The following PTPRD variants were observed in gnomAD, a reference collection of about 807,000 sequenced individuals.
PTPRD encodes protein tyrosine phosphatase receptor type D.
In PTPRD, 34 loss-of-function variants were observed where a neutral mutation model predicts 214.5. That is an observed-to-expected ratio of 0.16 (90% CI 0.12 to 0.21). PTPRD has a LOEUF of 0.21. PTPRD is among the 10% of genes least tolerant of loss of function. The probability of loss-of-function intolerance (pLI) is 1.00; values close to 1 mark genes in which losing one functional copy is unlikely to be tolerated. For missense variants in PTPRD, 2,545 were observed against 2,398.7 expected (o/e 1.06, Z -1.27); for synonymous variants, 1,128 against 845.7 (o/e 1.33, Z -5.79).
intron 3 of PTPRD, among the ~76,000 whole-genome samples, chr9:10,278,767 TTTTTGTTTTG>T (rs561969404): frequency 0.017 from 2,611 of 151,624 alleles, 30 homozygotes; most frequent in Non-Finnish European, 0.025. Context: ...AAAGGTTTTT[TTTTTGTTTTG>T]TTTTGTTTTG....
At chr9:10,057,007 A>G (rs1038092455) in intron 3 of PTPRD, among the ~76,000 whole-genome samples, 1 of 152,176 alleles carries the variant, frequency 6.6e-6, no homozygotes, top group Admixed American at 6.6e-5. Flanking sequence ...CAGAAATATA[A>G]TGTTCATAAA....
intron 3 of PTPRD, among the ~76,000 whole-genome samples, chr9:10,282,580 T>C (rs753125737): frequency 4.6e-5 from 7 of 152,158 alleles, no homozygotes; most frequent in Non-Finnish European, 1.0e-4. Context: ...ATTACCCTAA[T>C]GTTAGCTATG....
rs1234136859 is a variant in PTPRD, at chr9:8,315,374, T to G, written c.*2500A>C. On this transcript the variant is annotated 3_prime_UTR_variant, in exon 46 of 46. Coordinates refer to ENST00000381196, the MANE Select transcript of PTPRD (RefSeq NM_002839.4). The stretch of plus-strand genomic sequence containing the variant: ...GAGAAGCTGCTCATTGGCCAATCAT[T>G]CTGGTGTGCAGTGCTCCATCGGATT... The G allele has an allele frequency of 4.3e-6, 1 of 232,490 alleles. No individual in the cohort carries two copies. Among genetic ancestry groups the G allele is most frequent in the Non-Finnish European group, 8.5e-6 (1 of 117,388 alleles). 14.4% of individuals were successfully genotyped at this position (232,490 alleles called of 1,614,324 possible).
chr9:9,282,417 A>C (rs1336843399), intron 9 of PTPRD, among the ~76,000 whole-genome samples: 1 of 151,378 alleles, frequency 6.6e-6, no homozygotes, highest in African/African-American at 2.4e-5. Flanking sequence ...ATAGCAGATG[A>C]CTGAAATGAA....
chr9:8,586,934 T>C (rs1227339391), intron 14 of PTPRD, among the ~76,000 whole-genome samples: 1 of 151,994 alleles, frequency 6.6e-6, no homozygotes, highest in African/African-American at 2.4e-5. Context: ...GACCATGAGG[T>C]CGGAAGATTG....
chr9:10,009,936 G>A lies in PTPRD; in HGVS notation c.-472+23782C>T, dbSNP rs374973216. On this transcript the variant is annotated intron_variant, in intron 4 of 45. Coordinates refer to ENST00000381196, the MANE Select transcript of PTPRD (RefSeq NM_002839.4). Reference sequence around the variant, plus strand: ...GGTCAGTTGTGCCTGAATTCCAAAGGGAGGAGAGTATAATGAAGCATATCC... The same window carrying A: ...GGTCAGTTGTGCCTGAATTCCAAAGAGAGGAGAGTATAATGAAGCATATCC... Among the ~76,000 whole-genome samples, 12 of 151,928 alleles carry A rather than the reference G, an allele frequency of 7.9e-5. No homozygotes were observed. The South Asian group carries it at 2.5e-3, about 32-fold the overall frequency.
At chr9:9,812,864 G>T (rs553458928) in intron 5 of PTPRD, among the ~76,000 whole-genome samples, 20 of 152,022 alleles carry the variant, frequency 1.3e-4, no homozygotes, top group South Asian at 6.2e-4. Context: ...TATTCTCCAG[G>T]GTATATTGTG....
At chr9:9,716,862 C>T (rs1431804786) in intron 7 of PTPRD, among the ~76,000 whole-genome samples, 1 of 151,716 alleles carries the variant, frequency 6.6e-6, no homozygotes, top group African/African-American at 2.4e-5. Flanking sequence ...TAATGAGATC[C>T]CATTTGTCAA....
At chr9:9,176,116 T>C (rs1389093204) in intron 10 of PTPRD, among the ~76,000 whole-genome samples, 2 of 152,284 alleles carry the variant, frequency 1.3e-5, no homozygotes, top group South Asian at 2.1e-4. Context: ...AGCCTATAAG[T>C]AGAAAAATAG....
intron 10 of PTPRD, among the ~76,000 whole-genome samples, chr9:9,181,643 A>G (rs1319180583): frequency 6.6e-6 from 1 of 152,052 alleles, no homozygotes; most frequent in Non-Finnish European, 1.5e-5. Flanking sequence ...TCTCAGGCAC[A>G]AATTTGCACA....
intron 37 of PTPRD, among the ~76,000 whole-genome samples, chr9:8,379,043 T>C (rs139630832): frequency 6.6e-6 from 1 of 152,214 alleles, no homozygotes; most frequent in African/African-American, 2.4e-5. Flanking sequence ...GCTGTGAAAA[T>C]TTCTAGCTAA....
chr9:9,113,623 T>G (rs1296518273), intron 10 of PTPRD, among the ~76,000 whole-genome samples: 1 of 152,138 alleles, frequency 6.6e-6, no homozygotes, highest in Admixed American at 6.6e-5. Flanking sequence ...AGTAGTTAGT[T>G]AAACAGGCTT....
intron 11 of PTPRD, among the ~76,000 whole-genome samples, chr9:8,825,878 A>T (rs1023458054): frequency 6.6e-6 from 1 of 152,206 alleles, no homozygotes; most frequent in African/African-American, 2.4e-5. Flanking sequence ...GGATGAGCAG[A>T]TGCCACAATT....
chr9:9,938,967 A>G (rs1165004093), intron 4 of PTPRD, among the ~76,000 whole-genome samples: 1 of 151,950 alleles, frequency 6.6e-6, no homozygotes, highest in African/African-American at 2.4e-5. Flanking sequence ...ACATTTTTAA[A>G]CTCCAGAGAG....
chr9:10,171,465 T>C (rs868397233), intron 3 of PTPRD, among the ~76,000 whole-genome samples: 2 of 152,202 alleles, frequency 1.3e-5, no homozygotes, highest in South Asian at 2.1e-4. Context: ...CCCAGCCACG[T>C]AGAACTGTGG....
At chr9:9,373,371 T>G (rs1374385628) in intron 9 of PTPRD, among the ~76,000 whole-genome samples, 1 of 152,114 alleles carries the variant, frequency 6.6e-6, no homozygotes, top group East Asian at 1.9e-4. Flanking sequence ...AAATGCTTGT[T>G]ATTAGTATTT....
intron 10 of PTPRD, among the ~76,000 whole-genome samples, chr9:9,109,135 C>T (rs573371401): frequency 2.3e-4 from 35 of 152,228 alleles, no homozygotes; most frequent in African/African-American, 7.9e-4. Context: ...CCAACAGTAC[C>T]TCCATATTTA....
chr9:9,878,946 T>C (rs1471549455), intron 5 of PTPRD, among the ~76,000 whole-genome samples: 1 of 152,148 alleles, frequency 6.6e-6, no homozygotes, highest in African/African-American at 2.4e-5. Flanking sequence ...CCAGTCACAT[T>C]ATAGGTTTTG....
chr9:10,408,453 G>T (rs984147747), intron 2 of PTPRD, among the ~76,000 whole-genome samples: 1 of 151,724 alleles, frequency 6.6e-6, no homozygotes, highest in Non-Finnish European at 1.5e-5. Flanking sequence ...TGGTGCAATG[G>T]AATCTCAGTA....
Sources: allele counts gnomAD v4.1 joint callset (sites outside exome capture counted in the v4.1 genomes callset), GRCh38; gene constraint gnomAD v4.1.1; transcripts MANE v1.5; gene names NCBI Gene and HGNC (gene_info 2026-07-23, HGNC 2026-07-21).